NXPE1: variants seen among roughly 807,000 people sequenced by gnomAD.
NXPE1 encodes NXPE family member 1.
In NXPE1, 31 loss-of-function variants were observed where a neutral mutation model predicts 33.3. The observed-to-expected ratio is 0.93, with a 90% CI of 0.70 to 1.26. NXPE1 has a LOEUF of 1.26. NXPE1 is among the 50% of genes most tolerant of loss of function. The pLI, the probability that NXPE1 is intolerant of heterozygous loss-of-function variation, is 0.00. For missense variants in NXPE1, 661 were observed against 655.6 expected (o/e 1.01, Z -0.09); for synonymous variants, 229 against 231.4 (o/e 0.99, Z 0.09).
chr11:114,522,638 G>T, intron 8 of NXPE1, 135 bp from the exon 9 acceptor site: 1 of 770,554 alleles, frequency 1.3e-6, no homozygotes, highest in South Asian at 2.0e-5. Context: ...CTAGGGTACA[G>T]TACCCCCAGT....
intron 5 of NXPE1, among the ~76,000 whole-genome samples, chr11:114,550,448 A>G (rs1041345878): frequency 2.0e-5 from 3 of 152,200 alleles, no homozygotes; most frequent in Non-Finnish European, 1.5e-5. Flanking sequence ...TATGCTACGG[A>G]GGCCGCACTC....
Position 114,531,409 on chromosome 11 carries a change from T to G in NXPE1, c.100-501A>C, listed in dbSNP as rs973016197. ...CCACCGTCATTTATCTCCTGGATTA[T>G]AGTGGCCACCTCAAGGATGATGACT... On this transcript the variant is annotated intron_variant, in intron 5 of 8. Transcript: ENST00000534921. 2.0e-5 allele frequency among the ~76,000 whole-genome samples: 3 copies of G among 152,200 alleles called. No homozygotes were observed. The East Asian group carries it at 5.8e-4, about 29-fold the overall frequency.
downstream of NXPE1, among the ~76,000 whole-genome samples, chr11:114,520,522 G>A (rs1373787899): frequency 6.6e-6 from 1 of 152,068 alleles, no homozygotes; most frequent in Non-Finnish European, 1.5e-5. Context: ...CTATTGATGG[G>A]CACTTATGTT....
At chr11:114,528,854 A>T in intron 6 of NXPE1, 1 of 664,350 alleles carries the variant, frequency 1.5e-6, no homozygotes, top group Non-Finnish European at 2.8e-6. Context: ...AAGGATCAGC[A>T]TGTTTTCATC....
exon 6 of NXPE1, chr11:114,530,476 G>A (rs1369909638): frequency 6.2e-7 from 1 of 1,614,224 alleles, no homozygotes; most frequent in South Asian, 1.1e-5. Context: ...AGCAGAGACA[G>A]GGAGACCTGG....
rs900256686 is a variant in NXPE1 at position 114,521,898 on chromosome 11, C to G, written c.*70G>C. 13 of 1,211,388 alleles carry G rather than the reference C, an allele frequency of 1.1e-5. No homozygotes were observed. In the Admixed American group the frequency reaches 2.9e-4, roughly 27 times the overall value. The allele number at this position is 1,211,388 out of a possible 1,614,324, so 75.0% of individuals were successfully genotyped here. On this transcript the variant is annotated 3_prime_UTR_variant, in exon 9 of 9. Coordinates refer to ENST00000534921, the Ensembl canonical transcript of NXPE1. Reference sequence around the variant, plus strand: ...TCCTTAGTTCCTAAAATGAGTAAAACTTACTTTACAATACATGTGGGATTA... The same window carrying G: ...TCCTTAGTTCCTAAAATGAGTAAAAGTTACTTTACAATACATGTGGGATTA...
At chr11:114,533,067 A>G (rs1363984498) in intron 5 of NXPE1, among the ~76,000 whole-genome samples, 2 of 152,222 alleles carry the variant, frequency 1.3e-5, no homozygotes, top group Non-Finnish European at 2.9e-5. Context: ...GTTCAACATA[A>G]CGTTAGAAGT....
In NXPE1 at chr11:114,531,074, G is replaced by A. The variant is rs182282040; in HGVS notation, c.100-166C>T. ...AGTGGCATAATAAACCAAAAGAGAA[G>A]AGAAACAAGGAAATGAGATATTATG... On this transcript the variant is annotated intron_variant, in intron 5 of 8. Coordinates refer to ENST00000534921, the Ensembl canonical transcript of NXPE1. Among the ~76,000 whole-genome samples the A allele has an allele frequency of 3.1e-4, 47 of 151,826 alleles. 1 individual carries two copies. The highest frequency in any genetic ancestry group is 8.4e-4 in the African/African-American group (35 of 41,428).
intron 5 of NXPE1, among the ~76,000 whole-genome samples, chr11:114,545,619 AC>A (rs1206053909): frequency 6.6e-6 from 1 of 152,134 alleles, no homozygotes; most frequent in Non-Finnish European, 1.5e-5. Context: ...CAGTGAAATT[AC>A]TGTGTATGAT....
chr11:114,521,108 T>C (rs1251196998), downstream of NXPE1, among the ~76,000 whole-genome samples: 1 of 152,226 alleles, frequency 6.6e-6, no homozygotes, highest in Non-Finnish European at 1.5e-5. Context: ...TCATTAGCTG[T>C]AATTCTTCCA....
At chr11:114,542,621 A>G (rs1034159164) in intron 5 of NXPE1, among the ~76,000 whole-genome samples, 3 of 152,164 alleles carry the variant, frequency 2.0e-5, no homozygotes, top group African/African-American at 7.2e-5. Context: ...CCTTATAGTT[A>G]TTAACTGAAG....
At chr11:114,527,737 A>T (rs1947419321) in intron 7 of NXPE1, 103 bp downstream of exon 7, 1 of 669,440 alleles carries the variant, frequency 1.5e-6, no homozygotes, top group Admixed American at 2.9e-5. Flanking sequence ...GACATCATAG[A>T]CATCTGCTAG....
chr11:114,530,633 C>T (rs759266004), exon 6 of NXPE1: 2 of 1,614,142 alleles, frequency 1.2e-6, no homozygotes, highest in Non-Finnish European at 1.7e-6. Context: ...CCAAGTGGTC[C>T]CTCACCTCCA....
chr11:114,529,550 CCTG>C (rs61411475), intron 6 of NXPE1: 34,261 of 152,026 alleles, frequency 0.23, 5,389 homozygotes, highest in African/African-American at 0.44. Flanking sequence ...TTTGTGGAGG[CCTG>C]TTGAACCAGG....
intron 7 of NXPE1, among the ~76,000 whole-genome samples, chr11:114,524,024 C>T (rs1382736106): frequency 1.3e-5 from 2 of 152,216 alleles, no homozygotes; most frequent in East Asian, 1.9e-4. Context: ...GTGTCAGGGA[C>T]TCTTGTTCCT....
rs546312602 is a variant in NXPE1 at position 114,537,942 on chromosome 11, A to T, written c.100-7034T>A. ...ATTGGAAAAAACTACTTTAAAGTTC[A>T]TATGGAACCAAAAAGCCCACATTGC... On this transcript the variant is annotated intron_variant, in intron 5 of 8. Coordinates refer to ENST00000534921, the Ensembl canonical transcript of NXPE1. Among the ~76,000 whole-genome samples, 7 of 152,318 alleles carry T rather than the reference A, an allele frequency of 4.6e-5. No individual in the cohort carries two copies. In the East Asian group the frequency reaches 1.3e-3, roughly 29 times the overall value.
At chr11:114,553,774 C>T in intron 1 of NXPE1, 1 of 985,114 alleles carries the variant, frequency 1.0e-6, no homozygotes, top group Non-Finnish European at 1.2e-6. Context: ...TAGAGGTGAG[C>T]TGAACCCAGC....
intron 5 of NXPE1, among the ~76,000 whole-genome samples, chr11:114,536,578 C>A (rs11512560): frequency 0.17 from 26,019 of 151,684 alleles, 2,573 homozygotes; most frequent in African/African-American, 0.25. Flanking sequence ...AAATAGACGC[C>A]ATAAAAAATG....
At chr11:114,521,309 A>C (rs1019165351), downstream of NXPE1, among the ~76,000 whole-genome samples, 4 of 151,976 alleles carry the variant, frequency 2.6e-5, no homozygotes, top group Non-Finnish European at 5.9e-5. Context: ...GACCTCATGG[A>C]TTTTATATAT....
Sources: gnomAD v4.1 joint callset for allele counts (sites outside exome capture counted in the v4.1 genomes callset) on GRCh38, gnomAD v4.1.1 for gene constraint, MANE v1.5 for transcripts, NCBI Gene and HGNC (gene_info 2026-07-23, HGNC 2026-07-21) for gene names.